Variants in PCDHA12 observed in about 807,000 individuals in gnomAD.
PCDHA12 encodes protocadherin alpha 12.
In PCDHA12, 44 loss-of-function variants were observed where a neutral mutation model predicts 60.0. That is an observed-to-expected ratio of 0.73 (90% CI 0.58 to 0.94). The LOEUF (loss-of-function observed/expected upper bound fraction) is 0.94. PCDHA12 is among the 40% of genes least tolerant of loss of function. PCDHA12 has a pLI of 0.00. For synonymous variants in PCDHA12, 569 were observed against 553.0 expected, an observed-to-expected ratio of 1.03 and a Z score of -0.40; for missense variants, 1,276 against 1,239.7, an observed-to-expected ratio of 1.03 and a Z score of -0.44.
intron 1 of PCDHA12, chr5:140,884,544 G>T: frequency 6.2e-7 from 1 of 1,614,222 alleles, no homozygotes; most frequent in South Asian, 1.1e-5. Flanking sequence ...CCGAGGGTGT[G>T]CTCTGGGGAG....
chr5:140,992,584 T>C (rs1327367703), intron 3 of PCDHA12, among the ~76,000 whole-genome samples: 1 of 152,194 alleles, frequency 6.6e-6, no homozygotes, highest in Non-Finnish European at 1.5e-5. Context: ...CTGCCTTGTA[T>C]GCATCTAGCG....
chr5:140,895,995 G>A (rs2065293379), intron 1 of PCDHA12, among the ~76,000 whole-genome samples: 1 of 152,058 alleles, frequency 6.6e-6, no homozygotes, highest in Non-Finnish European at 1.5e-5. Flanking sequence ...ATTTTAAGTA[G>A]AGACAGGGTT....
At chr5:140,987,296 A>G (rs782162576) in intron 3 of PCDHA12, among the ~76,000 whole-genome samples, 1 of 152,126 alleles carries the variant, frequency 6.6e-6, no homozygotes, top group African/African-American at 2.4e-5. Context: ...CAAGCCTTCT[A>G]TGTGATACCA....
chr5:140,882,897 T>A, intron 1 of PCDHA12: 1 of 1,614,220 alleles, frequency 6.2e-7, no homozygotes, highest in South Asian at 1.1e-5. Context: ...GAACATAGTT[T>A]ATTACTGACA....
At chr5:140,916,688 C>G (rs1422583302) in intron 1 of PCDHA12, among the ~76,000 whole-genome samples, 3 of 152,180 alleles carry the variant, frequency 2.0e-5, no homozygotes, top group Admixed American at 6.5e-5. Flanking sequence ...TTACTCTTTT[C>G]TCTCCTCTCC....
At chr5:140,941,262 T>TTTCTCTTTCC in intron 1 of PCDHA12, among the ~76,000 whole-genome samples, 1 of 138,798 alleles carries the variant, frequency 7.2e-6, no homozygotes, top group Non-Finnish European at 1.6e-5. Context: ...TTTCTCTTTC[T>TTTCTCTTTCC]TTCTTTCTTT....
chr5:140,915,626 G>GTCCC (rs1554196996), intron 1 of PCDHA12, among the ~76,000 whole-genome samples: 2 of 146,436 alleles, frequency 1.4e-5, no homozygotes, highest in Non-Finnish European at 3.0e-5. Flanking sequence ...GTCTCTTTCT[G>GTCCC]TCTCTCTCTC....
chr5:140,992,807 C>T (rs781970284), intron 3 of PCDHA12, among the ~76,000 whole-genome samples: 2 of 152,226 alleles, frequency 1.3e-5, no homozygotes, highest in African/African-American at 4.8e-5. Flanking sequence ...CCATATGTAT[C>T]TAAGGATGTG....
Position 141,010,460 on chromosome 5 carries a change from A to G in PCDHA12, c.*523A>G. ...AGACAAATAAACAGCGGAAGTTATC[A>G]GTATGGAGGGGAAGTGTAAACTTAA... On this transcript the variant is annotated 3_prime_UTR_variant, in exon 4 of 4. Coordinates refer to ENST00000398631, the MANE Select transcript of PCDHA12 (RefSeq NM_018903.4). The G allele has an allele frequency of 1.2e-6, 1 of 835,130 alleles. No individual in the cohort carries two copies. The highest frequency in any genetic ancestry group is 1.8e-6 in the Non-Finnish European group (1 of 562,732). The allele number at this position is 835,130 out of a possible 1,614,324, so 51.7% of individuals were successfully genotyped here.
intron 1 of PCDHA12, among the ~76,000 whole-genome samples, chr5:140,912,652 G>C (rs555103404): frequency 1.4e-4 from 21 of 152,250 alleles, no homozygotes; most frequent in African/African-American, 5.1e-4. Context: ...TTGAATAGAA[G>C]TGGTGAAAAT....
intron 1 of PCDHA12, chr5:140,968,996 G>T: frequency 1.2e-6 from 2 of 1,614,202 alleles, no homozygotes; most frequent in Non-Finnish European, 1.7e-6. Flanking sequence ...ATGCTGTGGA[G>T]GCTTCTGTGG....
chr5:140,927,960 C>G, intron 1 of PCDHA12: 2 of 1,614,196 alleles, frequency 1.2e-6, no homozygotes, highest in Non-Finnish European at 1.7e-6. Flanking sequence ...CTGCCCCTGG[C>G]ACAGTGATTG....
rs1197189729 is a variant in PCDHA12, at chr5:141,011,926, G to A, written c.*1989G>A. On this transcript the variant is annotated 3_prime_UTR_variant, in exon 4 of 4. Transcript: ENST00000398631. ...TTAGGCATTAATATAAAAGAGGTAG[G>A]AGTCTGTTATTTAAAAAAAGCATTA... 1 of 153,498 alleles carries A rather than the reference G, an allele frequency of 6.5e-6. No individual in the cohort carries two copies. Among genetic ancestry groups the A allele is most frequent in the African/African-American group, 2.4e-5 (1 of 41,380 alleles). 9.5% of individuals were successfully genotyped at this position (153,498 alleles called of 1,614,324 possible).
At chr5:140,924,906 TA>T (rs1284498744) in intron 1 of PCDHA12, among the ~76,000 whole-genome samples, 1 of 55,776 alleles carries the variant, frequency 1.8e-5, no homozygotes, top group African/African-American at 8.7e-5. Flanking sequence ...AAAAAAAAAA[TA>T]AAATAAAATA....
intron 1 of PCDHA12, among the ~76,000 whole-genome samples, chr5:140,939,327 C>T (rs2092367339): frequency 6.6e-6 from 1 of 152,146 alleles, no homozygotes; most frequent in South Asian, 2.1e-4. Flanking sequence ...ATATCATAAT[C>T]TTAGGGGTTA....
rs1015706913 is a variant in PCDHA12, at chr5:140,985,292, T to C, written c.2515+2729T>C. 2.0e-5 allele frequency among the ~76,000 whole-genome samples: 3 copies of C among 152,294 alleles called. No homozygotes were observed. The East Asian group carries it at 5.8e-4, about 29-fold the overall frequency. ...TACTTTTCTGCAATCTATGATATAG[T>C]GTTGGCTGATAGCCTGGTGGCCAGA... On this transcript the variant is annotated intron_variant, in intron 3 of 3. Transcript: ENST00000398631.
intron 1 of PCDHA12, chr5:140,927,566 A>G: frequency 6.2e-7 from 1 of 1,614,168 alleles, no homozygotes; most frequent in Non-Finnish European, 8.5e-7. Flanking sequence ...ATTGTGGTGG[A>G]CACAAATGAC....
chr5:140,968,802 C>T, intron 1 of PCDHA12: 1 of 1,614,218 alleles, frequency 6.2e-7, no homozygotes. Flanking sequence ...ATTACAGTAG[C>T]TGTGGTGGAT....
chr5:140,927,929 C>G (rs762916391), intron 1 of PCDHA12: 1 of 1,614,208 alleles, frequency 6.2e-7, no homozygotes, highest in Non-Finnish European at 8.5e-7. Flanking sequence ...CTGACTCTTT[C>G]GAACCCAGTA....
Sources: allele counts gnomAD v4.1 joint callset (sites outside exome capture counted in the v4.1 genomes callset), GRCh38; gene constraint gnomAD v4.1.1; transcripts MANE v1.5; gene names NCBI Gene and HGNC (gene_info 2026-07-23, HGNC 2026-07-21).